The following RNF138 variants were observed in gnomAD, a reference collection of about 807,000 sequenced individuals.
RNF138 encodes ring finger protein 138, also known as E3 ubiquitin-protein ligase RNF138.
In RNF138, 12 loss-of-function variants were observed where a neutral mutation model predicts 31.0. The ratio of observed to expected loss-of-function variants is 0.39; its 90% CI spans 0.25 to 0.63. RNF138 has a LOEUF of 0.63. RNF138 is among the 20% of genes least tolerant of loss of function. The probability of loss-of-function intolerance (pLI) is 0.52; values close to 1 mark genes in which losing one functional copy is unlikely to be tolerated. For synonymous variants in RNF138, 105 were observed against 99.5 expected, an observed-to-expected ratio of 1.06 and a Z score of -0.33; for missense variants, 192 against 300.1, an observed-to-expected ratio of 0.64 and a Z score of 2.66.
chr18:32,101,963 A>G (rs2039948069), intron 2 of RNF138, among the ~76,000 whole-genome samples: 1 of 151,592 alleles, frequency 6.6e-6, no homozygotes, highest in Non-Finnish European at 1.5e-5. Context: ...TGCAGCCTCA[A>G]CCTCCTAGGC....
At chr18:32,128,838 T>C (rs893828643) in intron 7 of RNF138, among the ~76,000 whole-genome samples, 4 of 152,186 alleles carry the variant, frequency 2.6e-5, no homozygotes, top group African/African-American at 9.7e-5. Flanking sequence ...TATGAATGAC[T>C]TATAAAGGCA....
rs1485561962 is a variant in RNF138, at chr18:32,130,558, TAGA to T, written c.*1376_*1378del. 3.9e-5 allele frequency: 6 copies of T among 152,538 alleles called. No homozygotes were observed. Among genetic ancestry groups the T allele is most frequent in the South Asian group, 2.1e-4 (1 of 4,826 alleles). 9.4% of individuals were successfully genotyped at this position (152,538 alleles called of 1,614,324 possible). ...TTGTTTATGCTTTCTTTAAAATAAC[TAGA>T]AGAACATAAAAGAAAGAGAATCTCA... On this transcript the variant is annotated 3_prime_UTR_variant, in exon 8 of 8. Coordinates refer to ENST00000261593, the MANE Select transcript of RNF138 (RefSeq NM_016271.5).
At chr18:32,105,821 G>T (rs2040019059) in intron 2 of RNF138, among the ~76,000 whole-genome samples, 1 of 152,202 alleles carries the variant, frequency 6.6e-6, no homozygotes, top group Non-Finnish European at 1.5e-5. Flanking sequence ...TCTACTTGCT[G>T]CAACAGATTA....
chr18:32,109,104 A>T (rs1288679128), intron 2 of RNF138, among the ~76,000 whole-genome samples: 1 of 151,460 alleles, frequency 6.6e-6, no homozygotes, highest in Non-Finnish European at 1.5e-5. Flanking sequence ...GTTGGTTCAT[A>T]TCCTCCCTAA....
At chr18:32,098,953 G>A (rs566494057) in intron 2 of RNF138, among the ~76,000 whole-genome samples, 4 of 147,338 alleles carry the variant, frequency 2.7e-5, no homozygotes, top group Admixed American at 6.8e-5. Flanking sequence ...GAATGATCTC[G>A]ATTATCGACT....
chr18:32,109,216 C>T (rs902274103), intron 2 of RNF138, among the ~76,000 whole-genome samples: 3 of 150,666 alleles, frequency 2.0e-5, no homozygotes, highest in Admixed American at 6.6e-5. Flanking sequence ...TGCAGTGGCA[C>T]GATCTCAGCT....
rs776550133 is a variant in RNF138, at chr18:32,092,798, G to T, written c.22G>T (p.Ala8Ser). 1.9e-6 allele frequency: 3 copies of T among 1,592,910 alleles called. No individual in the cohort carries two copies. Among genetic ancestry groups the T allele is most frequent in the African/African-American group, 2.7e-5 (2 of 74,496 alleles). Residue 8 changes from alanine to serine, a missense_variant, in exon 2 of 8, where the codon GCC (alanine) becomes TCC (serine). This residue lies in a region of RNF138 where 52 missense variants were observed against 48.4 expected (regional missense o/e 1.07). Transcript: ENST00000261593. The part of the protein sequence containing the change: MAEDLSA[A>S]TSYTEDDFYC... ...CGCCATGGCCGAGGACCTCTCTGCG[G>T]CCACGTCCTACACCGAAGATGATTT... is the stretch of plus-strand genomic sequence containing the variant.
chr18:32,106,437 T>C (rs573192914), intron 2 of RNF138, among the ~76,000 whole-genome samples: 3 of 152,236 alleles, frequency 2.0e-5, no homozygotes, highest in Non-Finnish European at 4.4e-5. Context: ...ATTTGTCATT[T>C]GTTATTGCTC....
intron 4 of RNF138, among the ~76,000 whole-genome samples, chr18:32,115,026 CCTT>C (rs2040192481): frequency 2.0e-5 from 3 of 151,208 alleles, no homozygotes; most frequent in South Asian, 2.1e-4. Flanking sequence ...TTTTTTTAGT[CCTT>C]CTGGGTTTCT....
chr18:32,105,059 TATA>T (rs920087241), intron 2 of RNF138, among the ~76,000 whole-genome samples: 139 of 152,286 alleles, frequency 9.1e-4, no homozygotes, highest in African/African-American at 3.2e-3. Context: ...AAATTAAAAA[TATA>T]AAAATACAAA....
chr18:32,097,341 CTGTA>C (rs1280022002), intron 2 of RNF138, among the ~76,000 whole-genome samples: 20 of 152,184 alleles, frequency 1.3e-4, no homozygotes, highest in Non-Finnish European at 2.9e-4. Flanking sequence ...TTAGGCCTCT[CTGTA>C]AGGAGGCATC....
intron 2 of RNF138, among the ~76,000 whole-genome samples, chr18:32,099,270 A>G (rs2039874485): frequency 1.3e-5 from 2 of 152,170 alleles, no homozygotes; most frequent in Non-Finnish European, 1.5e-5. Context: ...TTGTTTTGAA[A>G]TAAGTTCTGT....
chr18:32,107,521 T>C (rs997310542), intron 2 of RNF138, among the ~76,000 whole-genome samples: 1 of 151,236 alleles, frequency 6.6e-6, no homozygotes, highest in Admixed American at 6.6e-5. Flanking sequence ...TTTGTTTGTT[T>C]GTTTGTTTGT....
intron 2 of RNF138, among the ~76,000 whole-genome samples, chr18:32,104,612 A>C (rs958000581): frequency 6.6e-6 from 1 of 152,224 alleles, no homozygotes; most frequent in Non-Finnish European, 1.5e-5. Flanking sequence ...TCAACAACAT[A>C]TCTTTATACC....
Position 32,129,039 on chromosome 18 carries a change from C to G in RNF138, c.670-80C>G. On this transcript the variant is annotated intron_variant, in intron 7 of 7. Transcript: ENST00000261593. ...GTGTGTCAAGATGTGTAATGTGTATCAAGATGTCTAATGTTTTGGGCAAAG... is the reference window on the plus strand; with the variant it reads ...GTGTGTCAAGATGTGTAATGTGTATGAAGATGTCTAATGTTTTGGGCAAAG... The G allele has an allele frequency of 6.8e-6, 6 of 879,542 alleles. No homozygotes were observed. The South Asian group carries it at 8.0e-5, about 12-fold the overall frequency. 54.5% of individuals were successfully genotyped at this position (879,542 alleles called of 1,614,324 possible). A position where few individuals can be genotyped will look rare whatever the true frequency, so the allele number is the denominator to read the frequency against.
intron 3 of RNF138, 38 bp downstream of exon 3, chr18:32,111,957 A>G (rs756613405): frequency 2.1e-5 from 31 of 1,498,906 alleles, no homozygotes; most frequent in Non-Finnish European, 2.5e-5. Context: ...TTGGAAGCCA[A>G]GTTTCTACTC....
At chr18:32,120,301 T>C (rs903982866) in intron 4 of RNF138, among the ~76,000 whole-genome samples, 1 of 152,130 alleles carries the variant, frequency 6.6e-6, no homozygotes, top group Non-Finnish European at 1.5e-5. Context: ...ATTAAAAACA[T>C]ATATACATCT....
chr18:32,123,749 T>C (rs2040343121), intron 5 of RNF138, among the ~76,000 whole-genome samples, 175 bp downstream of exon 5: 1 of 150,972 alleles, frequency 6.6e-6, no homozygotes, highest in Non-Finnish European at 1.5e-5. Context: ...GCCTCTCAGG[T>C]TCAAGTGATT....
intron 2 of RNF138, among the ~76,000 whole-genome samples, chr18:32,101,005 A>G (rs2039928498): frequency 2.0e-5 from 3 of 152,170 alleles, no homozygotes; most frequent in Admixed American, 2.0e-4. Flanking sequence ...CTAGTGGGTG[A>G]GTATCGATGA....
Sources: gnomAD v4.1 joint callset for allele counts (sites outside exome capture counted in the v4.1 genomes callset) on GRCh38, gnomAD v4.1.1 for gene constraint, gnomAD v4.1.1 regional missense constraint, MANE v1.5 for transcripts, NCBI Gene and HGNC (gene_info 2026-07-23, HGNC 2026-07-21) for gene names.